The following CDKL3 variants were observed in gnomAD, a reference collection of about 807,000 sequenced individuals.
The protein encoded by CDKL3 is cyclin dependent kinase like 3, also known as cyclin-dependent kinase-like 3.
CDKL3 carries 65 observed loss-of-function variants against 69.3 expected under a neutral mutation model. The observed-to-expected ratio is 0.94, with a 90% CI of 0.77 to 1.15. The LOEUF (loss-of-function observed/expected upper bound fraction) is 1.15. Among genes scored for constraint, CDKL3 ranks in the 50% most tolerant of loss-of-function variants. The pLI is 0.00. For synonymous variants in CDKL3, 202 were observed against 221.6 expected (o/e 0.91, Z 0.79); for missense variants, 652 against 689.2 (o/e 0.95, Z 0.61).
chr5:134,334,183 A>G (rs565735354), intron 4 of CDKL3, among the ~76,000 whole-genome samples: 1 of 152,034 alleles, frequency 6.6e-6, no homozygotes, highest in East Asian at 1.9e-4. Context: ...TATTGCATCT[A>G]TTTGATTCTT....
intron 10 of CDKL3, among the ~76,000 whole-genome samples, chr5:134,305,949 T>C (rs1767708605): frequency 6.6e-6 from 1 of 152,222 alleles, no homozygotes; most frequent in Admixed American, 6.5e-5. Flanking sequence ...TATTTGGCAA[T>C]TGTTTTTAAT....
chr5:134,304,669 A>C (rs980685650), intron 10 of CDKL3, 102 bp from the exon 11 acceptor site: 2 of 790,538 alleles, frequency 2.5e-6, no homozygotes, highest in African/African-American at 3.5e-5. Flanking sequence ...GATAGACATA[A>C]CAATTAATTT....
chr5:134,297,717 G>A (rs1765431270), downstream of CDKL3, among the ~76,000 whole-genome samples: 1 of 151,694 alleles, frequency 6.6e-6, no homozygotes, highest in Admixed American at 6.6e-5. Flanking sequence ...GAGTAGCTGG[G>A]ATTACAGGCA....
At chr5:134,362,269 C>G (rs1275837955) in intron 2 of CDKL3, among the ~76,000 whole-genome samples, 3 of 152,142 alleles carry the variant, frequency 2.0e-5, no homozygotes, top group African/African-American at 7.2e-5. Context: ...TCTATAATCC[C>G]AGCACTTTGG....
At chr5:134,299,050 T>A (rs900920543) in intron 12 of CDKL3, among the ~76,000 whole-genome samples, 4 of 152,114 alleles carry the variant, frequency 2.6e-5, no homozygotes, top group African/African-American at 4.8e-5. Flanking sequence ...TTTTTTGCAT[T>A]TTTAGTAGAG....
chr5:134,371,364 C>T (rs1758384448), upstream of CDKL3: 2 of 632,258 alleles, frequency 3.2e-6, no homozygotes, highest in African/African-American at 1.9e-5. Flanking sequence ...AAGGCGCGCT[C>T]CCGCGTCCCG....
intron 4 of CDKL3, among the ~76,000 whole-genome samples, chr5:134,340,728 C>A (rs1383174874): frequency 6.6e-6 from 1 of 151,946 alleles, no homozygotes; most frequent in Non-Finnish European, 1.5e-5. Context: ...TTTTAAAAAA[C>A]TACCCGCAAA....
intron 4 of CDKL3, among the ~76,000 whole-genome samples, chr5:134,323,586 T>C (rs1773360668): frequency 1.3e-5 from 2 of 152,294 alleles, no homozygotes; most frequent in Non-Finnish European, 2.9e-5. Flanking sequence ...AACTGATTTT[T>C]GACAAAGGAA....
intron 4 of CDKL3, among the ~76,000 whole-genome samples, chr5:134,348,859 C>T (rs1752562990): frequency 6.6e-6 from 1 of 152,152 alleles, no homozygotes; most frequent in African/African-American, 2.4e-5. Context: ...ATTTAATCCT[C>T]ATCACAAACC....
At chr5:134,286,847 T>C (rs1217030564) in intron 8 of CDKL3, among the ~76,000 whole-genome samples, 2 of 152,122 alleles carry the variant, frequency 1.3e-5, no homozygotes. Flanking sequence ...CAAGATGAGA[T>C]TTGTGTGGGG....
intron 8 of CDKL3, among the ~76,000 whole-genome samples, chr5:134,287,435 G>A (rs564239494): frequency 1.3e-5 from 2 of 152,274 alleles, no homozygotes; most frequent in African/African-American, 4.8e-5. Flanking sequence ...GGTAATGAGT[G>A]CCACACAGCA....
intron 4 of CDKL3, among the ~76,000 whole-genome samples, chr5:134,336,502 G>A (rs1777141225): frequency 6.6e-6 from 1 of 152,196 alleles, no homozygotes; most frequent in Non-Finnish European, 1.5e-5. Context: ...CCTGTGGATG[G>A]GGTTTTGGTG....
At chr5:134,340,228 G>A (rs902704112) in intron 4 of CDKL3, among the ~76,000 whole-genome samples, 2 of 152,242 alleles carry the variant, frequency 1.3e-5, no homozygotes, top group Middle Eastern at 3.4e-3. Flanking sequence ...TTTGTGGGAT[G>A]CAGTAAAGCA....
chr5:134,367,283 G>A (rs1417941344), upstream of CDKL3: 2 of 985,260 alleles, frequency 2.0e-6, no homozygotes, highest in Non-Finnish European at 1.2e-6. Flanking sequence ...CTGTGCTTGG[G>A]AATGGGGGAG....
intron 4 of CDKL3, among the ~76,000 whole-genome samples, chr5:134,326,352 C>A (rs1051347355): frequency 6.6e-6 from 1 of 152,038 alleles, no homozygotes; most frequent in Admixed American, 6.6e-5. Flanking sequence ...TTCTGAAATA[C>A]GAGCAAGTCC....
rs1230354626 is a variant in CDKL3, at chr5:134,308,138, C to T, written c.1364G>A (p.Arg455Lys). The change falls in exon 9 of 13, where the codon AGG (arginine) becomes AAG (lysine). Residue 455 changes from arginine (R) to lysine (K), a missense_variant and splice_region_variant. Transcript: ENST00000265334. The part of the protein sequence containing the change: ...LSSNLFHPSV[R>K]LTERAKKRRT... The stretch of plus-strand genomic sequence containing the variant: ...AGGTTTCTTCTCTGTTACAGCTCAC[C>T]TCACACTGGGGTGAAAGAGATTTGA... 1.2e-6 allele frequency: 2 copies of T among 1,609,218 alleles called. No individual in the cohort carries two copies. The highest frequency in any genetic ancestry group is 3.4e-5 in the Admixed American group (2 of 59,278).
In CDKL3 at chr5:134,342,915, A is replaced by G. The variant is rs181121722; in HGVS notation, c.539+7334T>C. Reference sequence around the variant, plus strand: ...GCTACAAAGCAATAGTCATTAAGACAGTGTGTCGGCTGCGTGCGGTGGCTC... The same window carrying G: ...GCTACAAAGCAATAGTCATTAAGACGGTGTGTCGGCTGCGTGCGGTGGCTC... On this transcript the variant is annotated intron_variant, in intron 4 of 12. Transcript: ENST00000265334. Among the ~76,000 whole-genome samples the G allele has an allele frequency of 4.9e-4, 75 of 152,338 alleles. 1 individual carries two copies. The highest frequency in any genetic ancestry group is 1.6e-3 in the African/African-American group (65 of 41,574).
At chr5:134,363,992 G>T (rs1019925236) in intron 2 of CDKL3, among the ~76,000 whole-genome samples, 18 of 146,908 alleles carry the variant, frequency 1.2e-4, no homozygotes, top group African/African-American at 4.6e-4. Flanking sequence ...AGAGAAAGAA[G>T]GCAAATTGAT....
At chr5:134,318,607 T>A (rs1771838709) in intron 6 of CDKL3, among the ~76,000 whole-genome samples, 1 of 152,134 alleles carries the variant, frequency 6.6e-6, no homozygotes, top group African/African-American at 2.4e-5. Flanking sequence ...TGCCTCAGCC[T>A]CCTGCGTAAC....
Sources: allele counts gnomAD v4.1 joint callset (sites outside exome capture counted in the v4.1 genomes callset), GRCh38; gene constraint gnomAD v4.1.1; transcripts MANE v1.5; gene names NCBI Gene and HGNC (gene_info 2026-07-23, HGNC 2026-07-21).